ABCA3: variants seen among roughly 807,000 people sequenced by gnomAD.
ABCA3 encodes the protein phospholipid-transporting ATPase ABCA3.
ABCA3 carries 88 observed loss-of-function variants against 172.8 expected under a neutral mutation model. The observed-to-expected ratio is 0.51, with a 90% CI of 0.43 to 0.61. The LOEUF is 0.61. ABCA3 is among the 20% of genes least tolerant of loss of function. ABCA3 has a pLI of 0.00. For synonymous variants in ABCA3, 1,066 were observed against 983.8 expected, an observed-to-expected ratio of 1.08 and a Z score of -1.56; for missense variants, 2,164 against 2,301.0, an observed-to-expected ratio of 0.94 and a Z score of 1.22.
intron 10 of ABCA3, 139 bp downstream of exon 10, chr16:2,317,144 C>T (rs2093717183): frequency 1.5e-6 from 2 of 1,317,622 alleles, no homozygotes; most frequent in East Asian, 2.4e-5. Flanking sequence ...TCCTTCCAGT[C>T]CAACCTTCCC....
chr16:2,278,293 G>A lies in ABCA3; in HGVS notation c.4713C>T (p.Ser1571=). The change falls in exon 30 of 33, where the codon TCC becomes TCT. Residue 1571 remains serine (S), a synonymous_variant. Coordinates refer to ENST00000301732, the MANE Select transcript of ABCA3 (RefSeq NM_001089.3). This position sits in a 1 kb window ranked among gnomAD's most constrained non-coding sequence, Gnocchi z 4.4. Reference sequence around the variant, plus strand: ...CCCACAGACCCAGGCTCTACCTGTGGGAGGTGATGATGATGGCCTTGCCAG... The same window carrying A: ...CCCACAGACCCAGGCTCTACCTGTGAGAGGTGATGATGATGGCCTTGCCAG... The part of the protein sequence containing the change: ...RESGKAIIIT[S]HSMEECEALC... 2 of 1,608,144 alleles carry A rather than the reference G, an allele frequency of 1.2e-6. No homozygotes were observed. The highest frequency in any genetic ancestry group is 1.7e-6 in the Non-Finnish European group (2 of 1,179,982).
Position 2,279,075 on chromosome 16 carries a change from G to A in ABCA3, c.4415C>T (p.Thr1472Ile). The A allele has an allele frequency of 6.2e-7, 1 of 1,613,058 alleles. No homozygotes were observed. The highest frequency in any genetic ancestry group is 8.5e-7 in the Non-Finnish European group (1 of 1,180,040). Residue 1472 changes from threonine (T) to isoleucine (I), a missense_variant, in exon 29 of 33, where the codon ACA (threonine) becomes ATA (isoleucine). Thr to Ile is a moderately conservative substitution (Grantham distance 89). Coordinates refer to ENST00000301732, the MANE Select transcript of ABCA3 (RefSeq NM_001089.3). The surrounding 1 kb of genome is among the most constrained non-coding windows in gnomAD (Gnocchi z 4.4). ...PQFDALLDHM[T>I]GREMLVMYAR... ...GTACATGACCAGCATCTCCCGGCCTGTCATGTGGTCCAGCAAGGCATCAAA... is the reference window on the plus strand; with the variant it reads ...GTACATGACCAGCATCTCCCGGCCTATCATGTGGTCCAGCAAGGCATCAAA...
chr16:2,302,913 C>T (rs1365099234), intron 12 of ABCA3, among the ~76,000 whole-genome samples: 1 of 152,122 alleles, frequency 6.6e-6, no homozygotes, highest in East Asian at 1.9e-4. Flanking sequence ...CCTCAGCCTC[C>T]CAAGTAGCTG....
intron 5 of ABCA3, among the ~76,000 whole-genome samples, chr16:2,325,703 G>A (rs1223991869): frequency 2.0e-5 from 3 of 152,194 alleles, no homozygotes; most frequent in African/African-American, 7.2e-5. Context: ...GCAACTGCAG[G>A]CAGGTGCATT....
rs754928888 is a variant in ABCA3, at chr16:2,292,175, C to T, written c.2478G>A (p.Gly826=). Residue 826 remains glycine (G), a synonymous_variant, in exon 19 of 33, where the codon GGG becomes GGA. Transcript: ENST00000301732. ...KQKELGIASF[G]ASITTMEEVF... ...CTTCCTCCATGGTGGTGATGGATGC[C>T]CCAAAGCTGGCAATGCCCAGCTCTT... 1.9e-6 allele frequency: 3 copies of T among 1,613,894 alleles called. No individual in the cohort carries two copies. The highest frequency in any genetic ancestry group is 1.3e-5 in the African/African-American group (1 of 74,910).
chr16:2,296,663 C>G (rs962783389), intron 17 of ABCA3, among the ~76,000 whole-genome samples: 1 of 152,242 alleles, frequency 6.6e-6, no homozygotes, highest in East Asian at 1.9e-4. Context: ...CATCTCCTAA[C>G]GCCTGCTGTC....
intron 12 of ABCA3, among the ~76,000 whole-genome samples, chr16:2,301,828 G>A (rs1423391854): frequency 2.0e-5 from 3 of 152,182 alleles, no homozygotes; most frequent in Admixed American, 2.0e-4. Context: ...AAGGTGGTTT[G>A]TTGGGAGCAA....
Position 2,319,695 on chromosome 16 carries a change from G to T in ABCA3, c.759C>A (p.Asp253Glu), listed in dbSNP as rs758756788. Residue 253 changes from aspartate to glutamate, a missense_variant, in exon 8 of 33, where the codon GAC (aspartate) becomes GAA (glutamate). Physicochemically the swap from Asp to Glu is conservative, Grantham distance 45. This residue lies in a region of ABCA3 where 1,343 missense variants were observed against 1,369.6 expected (regional missense o/e 0.98). Coordinates refer to ENST00000301732, the MANE Select transcript of ABCA3 (RefSeq NM_001089.3). ...KRFPYPPFIA[D>E]PFLVAIQYQL... ...GGTACTGGATGGCCACGAGGAAGGG[G>T]TCTGCGATGAACGGCGGGTACGGGA... 1.2e-6 allele frequency: 2 copies of T among 1,613,986 alleles called. No homozygotes were observed. The highest frequency in any genetic ancestry group is 1.3e-5 in the African/African-American group (1 of 75,022).
In ABCA3 at chr16:2,332,415, G is replaced by T. The variant is rs1343667148; in HGVS notation, c.-538-2561C>A. The T allele has an allele frequency of 8.3e-6, 10 of 1,203,060 alleles. No individual in the cohort carries two copies. In the Admixed American group the frequency reaches 1.1e-4, roughly 13 times the overall value. 74.5% of individuals were successfully genotyped at this position (1,203,060 alleles called of 1,614,324 possible). ...CTACCAGCAGGGTCCGGTCATACAG[G>T]ATGAGGATGTCTTTGATCTCCTTCT... On this transcript the variant is annotated intron_variant, in intron 1 of 32. Coordinates refer to ENST00000301732, the MANE Select transcript of ABCA3 (RefSeq NM_001089.3).
Position 2,285,725 on chromosome 16 carries a change from G to C in ABCA3, c.3279-79C>G. 7.1e-7 allele frequency: 1 copy of C among 1,416,606 alleles called. No homozygotes were observed. Among genetic ancestry groups the C allele is most frequent in the East Asian group, 2.5e-5 (1 of 40,270 alleles). 87.8% of individuals were successfully genotyped at this position (1,416,606 alleles called of 1,614,324 possible). ...AGAGGTCGGGTTCTCGGTTATGACC[G>C]CCCAAGGCATGCAGGGCAGCAGCCC... On this transcript the variant is annotated intron_variant, in intron 22 of 32. Coordinates refer to ENST00000301732, the MANE Select transcript of ABCA3 (RefSeq NM_001089.3). The surrounding 1 kb of genome is among the most constrained non-coding windows in gnomAD (Gnocchi z 4.7).
Position 2,278,857 on chromosome 16 carries a change from G to T in ABCA3, c.4547+86C>A. 1 of 1,580,196 alleles carries T rather than the reference G, an allele frequency of 6.3e-7. No individual in the cohort carries two copies. Among genetic ancestry groups the T allele is most frequent in the Non-Finnish European group, 8.6e-7 (1 of 1,156,524 alleles). On this transcript the variant is annotated intron_variant, in intron 29 of 32. Transcript: ENST00000301732. The surrounding 1 kb of genome is among the most constrained non-coding windows in gnomAD (Gnocchi z 4.4). Reference sequence around the variant, plus strand: ...GCCACAAGCAGGAGCTCTGGCTGCTGACCTGAGCGGTCACTCCCAGCTCTA... The same window carrying T: ...GCCACAAGCAGGAGCTCTGGCTGCTTACCTGAGCGGTCACTCCCAGCTCTA...
intron 1 of ABCA3, among the ~76,000 whole-genome samples, chr16:2,333,839 C>T (rs2093747269): frequency 6.6e-6 from 1 of 152,006 alleles, no homozygotes; most frequent in Admixed American, 6.6e-5. Context: ...CAGGCGTGCG[C>T]CACCATGCCT....
Position 2,283,065 on chromosome 16 carries a change from G to T in ABCA3, c.4035+121C>A. 8.6e-7 allele frequency: 1 copy of T among 1,157,454 alleles called. No individual in the cohort carries two copies. The highest frequency in any genetic ancestry group is 1.3e-6 in the Non-Finnish European group (1 of 799,612). The allele number at this position is 1,157,454 out of a possible 1,614,324, so 71.7% of individuals were successfully genotyped here. A position where few individuals can be genotyped will look rare whatever the true frequency, so the allele number is the denominator to read the frequency against. On this transcript the variant is annotated intron_variant, in intron 26 of 32. Transcript: ENST00000301732. This position sits in a 1 kb window ranked among gnomAD's most constrained non-coding sequence, Gnocchi z 5.4. ...CTGGTGCTGAGGCCGTACAGTGGGA[G>T]ACCATCTGGTGCAGGAGCTGCCTGG...
Position 2,285,818 on chromosome 16 carries a change from C to T in ABCA3, c.3279-172G>A, listed in dbSNP as rs1016415299. 1.3e-5 allele frequency among the ~76,000 whole-genome samples: 2 copies of T among 152,150 alleles called. No individual in the cohort carries two copies. Among genetic ancestry groups the T allele is most frequent in the Non-Finnish European group, 1.5e-5 (1 of 68,014 alleles). ...CCATACCGGGAACATCTGCCCCCAC[C>T]GGAGAACGGTTCCTCTGGAATTCCT... On this transcript the variant is annotated intron_variant, in intron 22 of 32. Coordinates refer to ENST00000301732, the MANE Select transcript of ABCA3 (RefSeq NM_001089.3). The surrounding 1 kb of genome is among the most constrained non-coding windows in gnomAD (Gnocchi z 4.7).
Position 2,276,481 on chromosome 16 carries a change from G to A in ABCA3, c.*193C>T. The A allele has an allele frequency of 1.1e-6, 1 of 948,596 alleles. No homozygotes were observed. Among genetic ancestry groups the A allele is most frequent in the South Asian group, 1.5e-5 (1 of 66,528 alleles). The allele number at this position is 948,596 out of a possible 1,614,324, so 58.8% of individuals were successfully genotyped here. On this transcript the variant is annotated 3_prime_UTR_variant, in exon 33 of 33. Coordinates refer to ENST00000301732, the MANE Select transcript of ABCA3 (RefSeq NM_001089.3). ...CTCCAGAGTATGCAGACATGGAGATGCGCATGCTGATCCTGGGCATGAGGG... is the reference window on the plus strand; with the variant it reads ...CTCCAGAGTATGCAGACATGGAGATACGCATGCTGATCCTGGGCATGAGGG...
At chr16:2,289,080 C>T (rs747198137) in intron 20 of ABCA3, 1 of 294,814 alleles carries the variant, frequency 3.4e-6, no homozygotes, top group Non-Finnish European at 6.5e-6. Context: ...GACTCTGTCA[C>T]ATCTGACTTT....
rs940944621 is a variant in ABCA3 at position 2,275,982 on chromosome 16, G to A, written c.*692C>T. The A allele has an allele frequency of 3.6e-5, 8 of 224,600 alleles. No homozygotes were observed. The highest frequency in any genetic ancestry group is 7.2e-5 in the Non-Finnish European group (8 of 110,688). The allele number at this position is 224,600 out of a possible 1,614,324, so 13.9% of individuals were successfully genotyped here. On this transcript the variant is annotated 3_prime_UTR_variant, in exon 33 of 33. Transcript: ENST00000301732. Reference sequence around the variant, plus strand: ...GGGTGGTCCCTGCGTGTCCTGGGGCGGGCGACTTCCTGAGGGTGCAGTGCT... The same window carrying A: ...GGGTGGTCCCTGCGTGTCCTGGGGCAGGCGACTTCCTGAGGGTGCAGTGCT...
intron 18 of ABCA3, among the ~76,000 whole-genome samples, chr16:2,294,309 C>A (rs555535879): frequency 6.6e-6 from 1 of 151,760 alleles, no homozygotes; most frequent in African/African-American, 2.4e-5. Context: ...TACAGGCGTG[C>A]GCCACTATGC....
rs1416136782 is a variant in ABCA3, at chr16:2,312,783, C to T, written c.1112-4160G>A. Among the ~76,000 whole-genome samples, 8 of 152,082 alleles carry T rather than the reference C, an allele frequency of 5.3e-5. No homozygotes were observed. The East Asian group carries it at 7.7e-4, about 15-fold the overall frequency. ...CTGACCTCAGGTGATCTGCCCGCCT[C>T]GGCCTCCCAAAGTGCTAGGATTACA... On this transcript the variant is annotated intron_variant, in intron 10 of 32. Transcript: ENST00000301732.
Sources: gnomAD v4.1 joint callset for allele counts (sites outside exome capture counted in the v4.1 genomes callset) on GRCh38, gnomAD v4.1.1 for gene constraint, gnomAD v4.1.1 regional missense constraint, Gnocchi (gnomAD v3.1) non-coding constraint, MANE v1.5 for transcripts, NCBI Gene and HGNC (gene_info 2026-07-23, HGNC 2026-07-21) for gene names.